The following CNTLN variants were observed in gnomAD, a reference collection of about 807,000 sequenced individuals.
The protein encoded by CNTLN is centlein.
A neutral mutation model predicts 180.0 loss-of-function variants in CNTLN; 212 were observed. That is an observed-to-expected ratio of 1.18 (90% confidence interval 1.05 to 1.32). The LOEUF is 1.32. Ranked by LOEUF, CNTLN falls within the 40% of genes most tolerant of loss-of-function variation. The pLI is 0.00. For missense variants in CNTLN, 2,095 were observed against 1,610.9 expected (o/e 1.30, Z -5.14); for synonymous variants, 722 against 563.1 (o/e 1.28, Z -3.99).
intron 13 of CNTLN, 60 bp downstream of exon 13, chr9:17,366,777 G>T: frequency 1.1e-6 from 1 of 938,962 alleles, no homozygotes; most frequent in Non-Finnish European, 1.7e-6. Context: ...AATTCTTGAT[G>T]TTTTAGTTTC....
At chr9:17,267,666 T>G (rs2132449893) in intron 5 of CNTLN, among the ~76,000 whole-genome samples, 2 of 152,304 alleles carry the variant, frequency 1.3e-5, no homozygotes, top group South Asian at 4.1e-4. Flanking sequence ...CCCGACACTT[T>G]CAGGTACACC....
At chr9:17,302,099 CACACACACACACACACACACAG>C (rs1350512987) in intron 7 of CNTLN, 1,021 of 925,318 alleles carry the variant, frequency 1.1e-3, no homozygotes, top group African/African-American at 2.2e-3. Flanking sequence ...TACACACACA[CACACACACACACACACACACAG>C]ACACACACAC....
At chr9:17,196,937 T>G (rs191708806) in intron 2 of CNTLN, among the ~76,000 whole-genome samples, 20 of 152,308 alleles carry the variant, frequency 1.3e-4, no homozygotes, top group African/African-American at 4.6e-4. Context: ...TTATCAAATG[T>G]TAGATCTTAT....
intron 12 of CNTLN, among the ~76,000 whole-genome samples, chr9:17,358,981 T>C (rs1456082399): frequency 6.6e-6 from 1 of 152,104 alleles, no homozygotes; most frequent in East Asian, 1.9e-4. Context: ...TGTGACTTTG[T>C]AGTAGGCCAA....
At chr9:17,283,268 C>T (rs1828777239) in intron 6 of CNTLN, among the ~76,000 whole-genome samples, 1 of 152,074 alleles carries the variant, frequency 6.6e-6, no homozygotes, top group Non-Finnish European at 1.5e-5. Context: ...TTTCTTTGAG[C>T]AGTGGTTTGT....
the CNTLN span, among the ~76,000 whole-genome samples, chr9:17,521,161 T>C: frequency 7.2e-5 from 11 of 152,172 alleles, no homozygotes; most frequent in African/African-American, 2.6e-4. Flanking sequence ...TGGTTAAAGA[T>C]TCTGCATTAT....
chr9:17,340,953 G>C lies in CNTLN; in HGVS notation c.1766+5G>C. ...GTGGGAAGAAGGCAGTGGCATGTGA[G>C]TTACATAGCTCATAAAGGCATTTCC... is the stretch of plus-strand genomic sequence containing the variant. On this transcript the variant is annotated splice_donor_5th_base_variant and intron_variant, in intron 11 of 25. Transcript: ENST00000380647. 6.2e-7 allele frequency: 1 copy of C among 1,603,870 alleles called. No homozygotes were observed. Among genetic ancestry groups the C allele is most frequent in the Non-Finnish European group, 8.5e-7 (1 of 1,175,408 alleles).
At chr9:17,411,694 G>A (rs1239178999) in intron 16 of CNTLN, among the ~76,000 whole-genome samples, 1 of 152,164 alleles carries the variant, frequency 6.6e-6, no homozygotes, top group Non-Finnish European at 1.5e-5. Flanking sequence ...AACTGCACAT[G>A]CAAGGGATCT....
chr9:17,217,667 C>T (rs998522050), intron 2 of CNTLN, among the ~76,000 whole-genome samples: 1 of 152,166 alleles, frequency 6.6e-6, no homozygotes, highest in Non-Finnish European at 1.5e-5. Context: ...AAAATATTTG[C>T]ACAATCATGA....
chr9:17,488,868 T>G (rs1336126362), intron 25 of CNTLN, among the ~76,000 whole-genome samples: 1 of 152,142 alleles, frequency 6.6e-6, no homozygotes, highest in Non-Finnish European at 1.5e-5. Context: ...GAGCAGCCTT[T>G]ATGAACACTG....
intron 13 of CNTLN, among the ~76,000 whole-genome samples, chr9:17,376,494 G>C (rs927637318): frequency 1.4e-5 from 2 of 143,692 alleles, no homozygotes; most frequent in Non-Finnish European, 3.0e-5. Flanking sequence ...CTCTGTCCCT[G>C]AGGCTGGAGT....
intron 12 of CNTLN, among the ~76,000 whole-genome samples, chr9:17,361,042 C>A (rs1823343663): frequency 6.6e-6 from 1 of 151,988 alleles, no homozygotes; most frequent in African/African-American, 2.4e-5. Context: ...GTTTAAATAT[C>A]TTCAGTTTTT....
intron 2 of CNTLN, among the ~76,000 whole-genome samples, chr9:17,161,241 A>G (rs1443449330): frequency 6.6e-6 from 1 of 152,074 alleles, no homozygotes; most frequent in Non-Finnish European, 1.5e-5. Flanking sequence ...ATTATTTTCT[A>G]TGATATGTAG....
intron 13 of CNTLN, among the ~76,000 whole-genome samples, chr9:17,384,553 G>A (rs1431576117): frequency 6.6e-6 from 1 of 152,104 alleles, no homozygotes; most frequent in East Asian, 1.9e-4. Context: ...CTACTCATCA[G>A]AAACAGGATT....
intron 23 of CNTLN, among the ~76,000 whole-genome samples, chr9:17,468,475 T>G (rs1831874791): frequency 6.6e-6 from 1 of 151,586 alleles, no homozygotes; most frequent in Non-Finnish European, 1.5e-5. Flanking sequence ...TAAATCTTGG[T>G]TTTTGTTTTA....
the CNTLN span, among the ~76,000 whole-genome samples, chr9:17,510,362 T>A: frequency 3.3e-5 from 5 of 152,194 alleles, no homozygotes; most frequent in African/African-American, 4.8e-5. Context: ...TATTTTGAAA[T>A]GAATATGTTT....
intron 13 of CNTLN, among the ~76,000 whole-genome samples, chr9:17,374,981 C>T (rs1296791117): frequency 6.6e-6 from 1 of 152,106 alleles, no homozygotes; most frequent in Non-Finnish European, 1.5e-5. Flanking sequence ...ATGTTTATTG[C>T]AGCATTATTC....
intron 8 of CNTLN, among the ~76,000 whole-genome samples, chr9:17,321,244 A>T (rs1819888121): frequency 6.6e-6 from 1 of 152,208 alleles, no homozygotes; most frequent in African/African-American, 2.4e-5. Context: ...AATACTTTCT[A>T]GACCTTGTAG....
chr9:17,260,275 G>T (rs562948371), intron 5 of CNTLN, among the ~76,000 whole-genome samples: 2 of 150,378 alleles, frequency 1.3e-5, no homozygotes, highest in Admixed American at 1.3e-4. Flanking sequence ...TTTCCATGTA[G>T]TTGAGCGGTT....
Sources: gnomAD v4.1 joint callset for allele counts (sites outside exome capture counted in the v4.1 genomes callset) on GRCh38, gnomAD v4.1.1 for gene constraint, MANE v1.5 for transcripts, NCBI Gene and HGNC (gene_info 2026-07-23, HGNC 2026-07-21) for gene names.